DOCK8: variants seen among roughly 807,000 people sequenced by gnomAD.
DOCK8 encodes dedicator of cytokinesis 8, also known as dedicator of cytokinesis protein 8.
In DOCK8, 141 loss-of-function variants were observed where a neutral mutation model predicts 245.6. The ratio of observed to expected loss-of-function variants is 0.57; its 90% CI spans 0.50 to 0.66. The LOEUF (loss-of-function observed/expected upper bound fraction) is 0.66. DOCK8 is among the 30% of genes least tolerant of loss of function. DOCK8 has a pLI of 0.00. For missense variants in DOCK8, 2,965 were observed against 2,603.4 expected (o/e 1.14, Z -3.02); for synonymous variants, 1,168 against 970.2 (o/e 1.20, Z -3.79).
rs371491567 is a variant in DOCK8 at position 289,461 on chromosome 9, G to T, written c.333-49G>T. On this transcript the variant is annotated intron_variant, in intron 3 of 47. Transcript: ENST00000432829. ...CTTGCTCATGATTAGGGGTTGTTTTGTTGTTTTACCCAGTAATAACGTGTT... is the reference window on the plus strand; with the variant it reads ...CTTGCTCATGATTAGGGGTTGTTTTTTTGTTTTACCCAGTAATAACGTGTT... 3.4e-6 allele frequency: 5 copies of T among 1,481,644 alleles called. No individual in the cohort carries two copies. The Admixed American group carries it at 8.5e-5, about 25-fold the overall frequency. The allele number at this position is 1,481,644 out of a possible 1,614,324, so 91.8% of individuals were successfully genotyped here. A position where few individuals can be genotyped will look rare whatever the true frequency, so the allele number is the denominator to read the frequency against.
chr9:389,994 T>C (rs1421757415), intron 23 of DOCK8, among the ~76,000 whole-genome samples: 3 of 151,652 alleles, frequency 2.0e-5, no homozygotes, highest in Admixed American at 1.3e-4. Flanking sequence ...CATTCCAGCC[T>C]GGGCGACAGA....
At chr9:452,709 C>G (rs931136212) in intron 46 of DOCK8, 2 of 152,288 alleles carry the variant, frequency 1.3e-5, no homozygotes, top group African/African-American at 4.8e-5. Flanking sequence ...TACACTGCCT[C>G]AAATTGAGAG....
intron 11 of DOCK8, among the ~76,000 whole-genome samples, chr9:334,879 C>T (rs1472038229): frequency 1.3e-5 from 2 of 152,030 alleles, no homozygotes; most frequent in Non-Finnish European, 2.9e-5. Context: ...GCCAGGAGTT[C>T]GAGACCAGCC....
intron 5 of DOCK8, among the ~76,000 whole-genome samples, chr9:306,478 T>C (rs2049834513): frequency 6.6e-6 from 1 of 152,206 alleles, no homozygotes; most frequent in Non-Finnish European, 1.5e-5. Flanking sequence ...CGGTAGGTAT[T>C]TCAGCAGAAG....
intron 4 of DOCK8, among the ~76,000 whole-genome samples, chr9:300,723 T>G (rs2049505110): frequency 6.6e-6 from 1 of 152,074 alleles, no homozygotes; most frequent in Non-Finnish European, 1.5e-5. Flanking sequence ...AATACCCCTA[T>G]GCACACAAAC....
intron 14 of DOCK8, among the ~76,000 whole-genome samples, chr9:342,227 G>T (rs1300634369): frequency 6.6e-6 from 1 of 151,632 alleles, no homozygotes; most frequent in Non-Finnish European, 1.5e-5. Flanking sequence ...AAAGGTTGAG[G>T]ATTGCTGCTC....
chr9:367,487 A>G (rs998067605), intron 14 of DOCK8, among the ~76,000 whole-genome samples: 1 of 150,676 alleles, frequency 6.6e-6, no homozygotes, highest in Non-Finnish European at 1.5e-5. Context: ...ATGGATGGAT[A>G]TATTATTCTT....
intron 26 of DOCK8, among the ~76,000 whole-genome samples, chr9:400,971 C>CTAGCAATATTAT (rs1564016954): frequency 2.8e-5 from 4 of 141,640 alleles, no homozygotes; most frequent in Admixed American, 7.1e-5. Flanking sequence ...ACCACCTCCT[C>CTAGCAATATTAT]CACCATCACC....
intron 24 of DOCK8, among the ~76,000 whole-genome samples, chr9:394,012 T>C (rs777080961): frequency 3.9e-5 from 6 of 152,112 alleles, no homozygotes; most frequent in African/African-American, 1.2e-4. Flanking sequence ...TGGAGGCAGA[T>C]GAGACAATCT....
chr9:258,099 A>C (rs1192173651), intron 1 of DOCK8, among the ~76,000 whole-genome samples: 1 of 114,710 alleles, frequency 8.7e-6, no homozygotes, highest in Non-Finnish European at 1.9e-5. Context: ...CATAAGTTCC[A>C]TAGTTTATTT....
rs1370346669 is a variant in DOCK8, at chr9:414,876, G to A, written c.3625G>A (p.Val1209Ile). The A allele has an allele frequency of 6.2e-7, 1 of 1,614,080 alleles. No homozygotes were observed. The highest frequency in any genetic ancestry group is 1.1e-5 in the South Asian group (1 of 91,088). ...ACGCTGTGTCAAACCAGAGGTGAAG[G>A]TCAAAATCGCCGCCCTTTACCTACC... ...DPRCVKPEVK[V>I]KIAALYLPLV... Residue 1209 changes from valine to isoleucine, a missense_variant, in exon 29 of 48, where the codon GTC becomes ATC. Val to Ile is a conservative substitution (Grantham distance 29, BLOSUM62 3). Coordinates refer to ENST00000432829, the MANE Select transcript of DOCK8 (RefSeq NM_203447.4).
chr9:265,078 C>T (rs1381577688), intron 1 of DOCK8, among the ~76,000 whole-genome samples: 2 of 152,154 alleles, frequency 1.3e-5, no homozygotes, highest in Non-Finnish European at 2.9e-5. Flanking sequence ...ATTACATGCA[C>T]CTGCCACCAA....
At chr9:433,250 A>G (rs557272828) in intron 37 of DOCK8, among the ~76,000 whole-genome samples, 15 of 152,316 alleles carry the variant, frequency 9.8e-5, no homozygotes, top group African/African-American at 3.6e-4. Flanking sequence ...ACCCAATGAA[A>G]TGACTCTAGT....
At chr9:298,298 G>A (rs1306006127) in intron 4 of DOCK8, among the ~76,000 whole-genome samples, 1 of 152,154 alleles carries the variant, frequency 6.6e-6, no homozygotes, top group Non-Finnish European at 1.5e-5. Flanking sequence ...GGTGGCGCAT[G>A]CCTGTGATCC....
At chr9:403,292 C>G (rs1418155206) in intron 26 of DOCK8, among the ~76,000 whole-genome samples, 8 of 152,106 alleles carry the variant, frequency 5.3e-5, no homozygotes, top group African/African-American at 1.9e-4. Flanking sequence ...TTCCGATAGC[C>G]GGCTTGACCC....
At chr9:251,028 G>A (rs2047632506) in intron 1 of DOCK8, among the ~76,000 whole-genome samples, 2 of 152,308 alleles carry the variant, frequency 1.3e-5, no homozygotes, top group Non-Finnish European at 2.9e-5. Flanking sequence ...CAGACTTATA[G>A]GAAGCAAAGA....
At chr9:366,682 TTCTGAGGCATTC>T (rs1234746056) in intron 14 of DOCK8, 1 of 152,238 alleles carries the variant, frequency 6.6e-6, no homozygotes, top group Non-Finnish European at 1.5e-5. Context: ...GTCTTTCTCC[TTCTGAGGCATTC>T]TCAGTGCACA....
chr9:428,362 G>A lies in DOCK8; in HGVS notation c.4339G>A (p.Ala1447Thr), dbSNP rs1173933016. The A allele has an allele frequency of 6.2e-7, 1 of 1,614,132 alleles. No homozygotes were observed. Among genetic ancestry groups the A allele is most frequent in the Non-Finnish European group, 8.5e-7 (1 of 1,180,028 alleles). ...ILDMQENIIQ[A>T]SSALDCKDSL... ...TGATGCTGTTCTTCCATTCCCCCAGGCGAGCTCGGCTCTGGACTGTAAAGA... is the reference window on the plus strand; with the variant it reads ...TGATGCTGTTCTTCCATTCCCCCAGACGAGCTCGGCTCTGGACTGTAAAGA... The change falls in exon 35 of 48, where the codon GCG becomes ACG. Residue 1447 changes from alanine to threonine, a missense_variant and splice_region_variant. Ala to Thr is a moderately conservative substitution (Grantham distance 58). Transcript: ENST00000432829.
intron 10 of DOCK8, 120 bp from the exon 11 acceptor site, chr9:334,105 G>GT: frequency 6.3e-6 from 7 of 1,113,280 alleles, no homozygotes; most frequent in Non-Finnish European, 9.3e-6. Flanking sequence ...GGGAAGATAT[G>GT]TTTTTACTCT....
Sources: allele counts gnomAD v4.1 joint callset (sites outside exome capture counted in the v4.1 genomes callset), GRCh38; gene constraint gnomAD v4.1.1; transcripts MANE v1.5; gene names NCBI Gene and HGNC (gene_info 2026-07-23, HGNC 2026-07-21).